COL16A1: variants seen among roughly 807,000 people sequenced by gnomAD.
The protein encoded by COL16A1 is collagen alpha-1(XVI) chain.
In COL16A1, 189 loss-of-function variants were observed where a neutral mutation model predicts 266.3. The ratio of observed to expected loss-of-function variants is 0.71; its 90% CI spans 0.63 to 0.80. The LOEUF (loss-of-function observed/expected upper bound fraction) is 0.80, where lower values mean the gene tolerates loss of function less well. Among genes scored for constraint, COL16A1 ranks in the 30% least tolerant of loss-of-function variants. COL16A1 has a pLI of 0.00. For synonymous variants in COL16A1, 740 were observed against 782.3 expected, an observed-to-expected ratio of 0.95 and a Z score of 0.90; for missense variants, 1,928 against 2,122.4, an observed-to-expected ratio of 0.91 and a Z score of 1.80.
intron 1 of COL16A1, 35 bp from the exon 2 acceptor site, chr1:31,702,262 G>GA (rs1054025917): frequency 6.8e-6 from 11 of 1,607,128 alleles, no homozygotes; most frequent in Non-Finnish European, 6.8e-6. Flanking sequence ...GCGGATTTCT[G>GA]AGTTCACACA....
chr1:31,662,666 C>T lies in COL16A1; in HGVS notation c.3556-8G>A. ...TCGAATCCCTTCGCTGCCCTGGAAA[C>T]CAGCGCCGCCCCCCCCCCCCGCCCC... On this transcript the variant is annotated splice_region_variant and splice_polypyrimidine_tract_variant and intron_variant, in intron 56 of 70. Coordinates refer to ENST00000373672, the MANE Select transcript of COL16A1 (RefSeq NM_001856.4). 6.5e-7 allele frequency: 1 copy of T among 1,529,582 alleles called. No homozygotes were observed. The highest frequency in any genetic ancestry group is 1.2e-5 in the South Asian group (1 of 82,192). The allele number at this position is 1,529,582 out of a possible 1,614,324, so 94.8% of individuals were successfully genotyped here. A position where few individuals can be genotyped will look rare whatever the true frequency, so the allele number is the denominator to read the frequency against.
chr1:31,668,657 A>AG lies in COL16A1; in HGVS notation c.3249+144dup. The AG allele has an allele frequency of 1.1e-6, 1 of 900,256 alleles. No homozygotes were observed. The highest frequency in any genetic ancestry group is 1.8e-6 in the Non-Finnish European group (1 of 560,528). The allele number at this position is 900,256 out of a possible 1,614,324, so 55.8% of individuals were successfully genotyped here. A position where few individuals can be genotyped will look rare whatever the true frequency, so the allele number is the denominator to read the frequency against. Reference sequence around the variant, plus strand: ...GGGGGAGTGTGGAAACCTCACACTGAGGGAATCCCGGCAGAAGGGCAGAGA... The same window carrying AG: ...GGGGGAGTGTGGAAACCTCACACTGAGGGGAATCCCGGCAGAAGGGCAGAGA... On this transcript the variant is annotated intron_variant, in intron 50 of 70. Transcript: ENST00000373672. This position sits in a 1 kb window ranked among gnomAD's most constrained non-coding sequence, Gnocchi z 5.8.
chr1:31,679,385 G>T (rs1013641645), intron 42 of COL16A1: 1 of 1,514,126 alleles, frequency 6.6e-7, no homozygotes, highest in Non-Finnish European at 8.9e-7. Flanking sequence ...ATCTGACCCA[G>T]ATTGTGGGTG....
chr1:31,679,852 C>A lies in COL16A1; in HGVS notation c.2671-1G>T. On this transcript the variant is annotated splice_acceptor_variant, in intron 40 of 70. Coordinates refer to ENST00000373672, the MANE Select transcript of COL16A1 (RefSeq NM_001856.4). LOFTEE classifies it high-confidence loss of function. ...TGCCCATCCAAAGTCCCGGAGCACC[C>A]TGGGTGGGAGTGGGGGTCGCAAAAG... 1 of 1,520,678 alleles carries A rather than the reference C, an allele frequency of 6.6e-7. No homozygotes were observed. The highest frequency in any genetic ancestry group is 8.8e-7 in the Non-Finnish European group (1 of 1,135,052). 94.2% of individuals were successfully genotyped at this position (1,520,678 alleles called of 1,614,324 possible).
At chr1:31,673,012 C>T (rs925309764) in intron 44 of COL16A1, 172 bp from the exon 45 acceptor site, 13 of 701,904 alleles carry the variant, frequency 1.9e-5, no homozygotes, top group African/African-American at 7.0e-5. Flanking sequence ...GCTCCATCCT[C>T]GGGGGACCCA....
At chr1:31,690,972 A>G (rs1425678549) in intron 20 of COL16A1, among the ~76,000 whole-genome samples, 1 of 152,116 alleles carries the variant, frequency 6.6e-6, no homozygotes, top group Non-Finnish European at 1.5e-5. Flanking sequence ...CCTGGAACAC[A>G]GGCGGAGGTT....
At chr1:31,679,378 T>C (rs1643429136) in intron 42 of COL16A1, 4 of 1,500,804 alleles carry the variant, frequency 2.7e-6, no homozygotes, top group Non-Finnish European at 3.6e-6. Flanking sequence ...GATTTTTATC[T>C]GACCCAGATT....
Position 31,667,641 on chromosome 1 carries a change from A to C in COL16A1, c.3304-13T>G. 6.2e-7 allele frequency: 1 copy of C among 1,602,294 alleles called. No homozygotes were observed. Among genetic ancestry groups the C allele is most frequent in the Non-Finnish European group, 8.5e-7 (1 of 1,174,428 alleles). ...CCCCCTTGATGCCCTGACAAGTGGC[A>C]AAGAGACAGTGGAATTAGCCCCACA... On this transcript the variant is annotated splice_polypyrimidine_tract_variant and intron_variant, in intron 51 of 70. Coordinates refer to ENST00000373672, the MANE Select transcript of COL16A1 (RefSeq NM_001856.4).
At chr1:31,690,701 T>C (rs1644224672) in intron 20 of COL16A1, 128 bp from the exon 21 acceptor site, 1 of 1,446,106 alleles carries the variant, frequency 6.9e-7, no homozygotes, top group Non-Finnish European at 9.2e-7. Context: ...TTGCCATTTG[T>C]TCCATTCGGT....
Position 31,697,053 on chromosome 1 carries a change from G to T in COL16A1, c.774C>A (p.Thr258=), listed in dbSNP as rs748112379. ...PPETSKARRD[T]QSNELIEINP... ...TGATCTCAATGAGCTCATTGCTCTG[G>T]GTGTCCCGGCGGGCCTTGGAGGTCT... Residue 258 remains threonine, a synonymous_variant, in exon 8 of 71, where the codon ACC becomes ACA. Coordinates refer to ENST00000373672, the MANE Select transcript of COL16A1 (RefSeq NM_001856.4). The surrounding 1 kb of genome is among the most constrained non-coding windows in gnomAD (Gnocchi z 4.2). 6.2e-7 allele frequency: 1 copy of T among 1,614,058 alleles called. No homozygotes were observed. Among genetic ancestry groups the T allele is most frequent in the African/African-American group, 1.3e-5 (1 of 74,924 alleles).
intron 31 of COL16A1, 142 bp downstream of exon 31, chr1:31,684,381 A>G: frequency 6.8e-7 from 1 of 1,474,042 alleles, no homozygotes. Context: ...CTAGCAGAGG[A>G]GAAGCCCCGA....
intron 1 of COL16A1, among the ~76,000 whole-genome samples, chr1:31,703,451 C>T (rs1469833704): frequency 2.6e-5 from 4 of 152,162 alleles, no homozygotes; most frequent in Non-Finnish European, 5.9e-5. Flanking sequence ...GCTCTCAAAC[C>T]CTATCCTGGT....
At chr1:31,689,698 G>T in intron 23 of COL16A1, 43 bp downstream of exon 23, 2 of 1,498,480 alleles carry the variant, frequency 1.3e-6, no homozygotes, top group Middle Eastern at 3.4e-4. Context: ...AGGTTTCTTT[G>T]TGTGTTGGGG....
chr1:31,689,153 A>C, intron 23 of COL16A1, 68 bp from the exon 24 acceptor site: 1 of 1,609,730 alleles, frequency 6.2e-7, no homozygotes, highest in Admixed American at 1.7e-5. Flanking sequence ...CCCTGGCAAT[A>C]TGCGAGGACA....
In COL16A1 at chr1:31,670,487, G is replaced by C; in HGVS notation, c.3195+115C>G. 1 of 1,259,528 alleles carries C rather than the reference G, an allele frequency of 7.9e-7. No homozygotes were observed. The highest frequency in any genetic ancestry group is 1.0e-6 in the Non-Finnish European group (1 of 980,740). The allele number at this position is 1,259,528 out of a possible 1,614,324, so 78.0% of individuals were successfully genotyped here. On this transcript the variant is annotated intron_variant, in intron 49 of 70. Transcript: ENST00000373672. The surrounding 1 kb of genome is among the most constrained non-coding windows in gnomAD (Gnocchi z 4.5). Reference sequence around the variant, plus strand: ...GTGTCGTTAGCTACCGTGCCTGAAGGGGGACAACAAACACGGAGGACGGAG... The same window carrying C: ...GTGTCGTTAGCTACCGTGCCTGAAGCGGGACAACAAACACGGAGGACGGAG...
intron 37 of COL16A1, among the ~76,000 whole-genome samples, chr1:31,681,583 T>TA (rs1221737198): frequency 3.3e-5 from 5 of 152,242 alleles, no homozygotes; most frequent in African/African-American, 1.2e-4. Flanking sequence ...GTCACGCCCC[T>TA]AGCGAGTGTG....
At chr1:31,694,721 C>T (rs1644419170) in intron 11 of COL16A1, among the ~76,000 whole-genome samples, 1 of 152,174 alleles carries the variant, frequency 6.6e-6, no homozygotes, top group Non-Finnish European at 1.5e-5. Context: ...CCTTGCCCTT[C>T]TGGACCCCCA....
chr1:31,668,719 G>T lies in COL16A1; in HGVS notation c.3249+83C>A. 2 of 1,481,764 alleles carry T rather than the reference G, an allele frequency of 1.3e-6. No homozygotes were observed. Among genetic ancestry groups the T allele is most frequent in the Non-Finnish European group, 1.9e-6 (2 of 1,061,216 alleles). The allele number at this position is 1,481,764 out of a possible 1,614,324, so 91.8% of individuals were successfully genotyped here. ...TCCACCTCCCAGCTTCCACTCAGCA[G>T]CCACCCTTCAGAGCTCAAGCTCTGC... On this transcript the variant is annotated intron_variant, in intron 50 of 70. Transcript: ENST00000373672. The surrounding 1 kb of genome is among the most constrained non-coding windows in gnomAD (Gnocchi z 5.8).
intron 12 of COL16A1, among the ~76,000 whole-genome samples, chr1:31,693,895 A>G (rs924128873): frequency 1.3e-5 from 2 of 152,252 alleles, no homozygotes; most frequent in African/African-American, 4.8e-5. Flanking sequence ...AGGGTTCAAA[A>G]GGGTAATAAG....
Sources: gnomAD v4.1 joint callset for allele counts (sites outside exome capture counted in the v4.1 genomes callset) on GRCh38, gnomAD v4.1.1 for gene constraint, Gnocchi (gnomAD v3.1) non-coding constraint, MANE v1.5 for transcripts, NCBI Gene and HGNC (gene_info 2026-07-23, HGNC 2026-07-21) for gene names.